The following ZNHIT1 variants were observed in gnomAD, a reference collection of about 807,000 sequenced individuals.
ZNHIT1 encodes zinc finger HIT-type containing 1, also known as zinc finger HIT domain-containing protein 1.
A neutral mutation model predicts 21.4 loss-of-function variants in ZNHIT1; 20 were observed. The observed-to-expected ratio is 0.93, with a 90% confidence interval of 0.66 to 1.36. ZNHIT1 has a LOEUF of 1.36. ZNHIT1 is among the 40% of genes most tolerant of loss of function. ZNHIT1 has a pLI of 0.00. For synonymous variants in ZNHIT1, 79 were observed against 84.0 expected (o/e 0.94, Z 0.32); for missense variants, 170 against 213.5 (o/e 0.80, Z 1.27).
At position 101,223,842 on chromosome 7, in the gene ZNHIT1, G is replaced by C. The variant is rs775964487; in HGVS notation, c.443G>C (p.Arg148Thr). The change falls in exon 4 of 5, where the codon AGG becomes ACG. Residue 148 changes from arginine to threonine, a missense_variant and splice_region_variant. Coordinates refer to ENST00000305105, the MANE Select transcript of ZNHIT1 (RefSeq NM_006349.3). ...TGTCTGGGGACCCACCAGGAGACCA[G>C]GTGAGCATGAGACCTGCTGTCCACT... ...VRCLGTHQET[R>T]CLKWTV 1 of 1,614,104 alleles carries C rather than the reference G, an allele frequency of 6.2e-7. No homozygotes were observed. Among genetic ancestry groups the C allele is most frequent in the Non-Finnish European group, 8.5e-7 (1 of 1,179,980 alleles).
At chr7:101,220,786 C>G (rs1233671573) in intron 1 of ZNHIT1, 1 of 152,058 alleles carries the variant, frequency 6.6e-6, no homozygotes, top group Non-Finnish European at 1.5e-5. Flanking sequence ...GGGTCTCTCT[C>G]TGTTGCCCAG....
At position 101,218,228 on chromosome 7, in the gene ZNHIT1, C is replaced by T. The variant is rs2116816191; in HGVS notation, c.22+11C>T. On this transcript the variant is annotated intron_variant, in intron 1 of 4. Coordinates refer to ENST00000305105, the MANE Select transcript of ZNHIT1 (RefSeq NM_006349.3). ...AGAAGAAAACTTCGGGTATGTGAGCCCCCGCGGTTCGCCCCCTTCCCCTTC... is the reference window on the plus strand; with the variant it reads ...AGAAGAAAACTTCGGGTATGTGAGCTCCCGCGGTTCGCCCCCTTCCCCTTC... The T allele has an allele frequency of 6.2e-7, 1 of 1,612,164 alleles. No homozygotes were observed. Among genetic ancestry groups the T allele is most frequent in the Admixed American group, 1.7e-5 (1 of 59,540 alleles).
intron 2 of ZNHIT1, among the ~76,000 whole-genome samples, chr7:101,222,996 T>C (rs1798397589): frequency 6.6e-6 from 1 of 152,140 alleles, no homozygotes; most frequent in African/African-American, 2.4e-5. Context: ...AGCCTTAGGC[T>C]TGGGGGCATG....
chr7:101,223,873 T>A, intron 4 of ZNHIT1, 31 bp downstream of exon 4: 1 of 1,613,944 alleles, frequency 6.2e-7, no homozygotes, highest in Non-Finnish European at 8.5e-7. Flanking sequence ...CCACTCCCAC[T>A]CCCTCCTTCC....
At position 101,223,833 on chromosome 7, in the gene ZNHIT1, A is replaced by G. The variant is rs1256138067; in HGVS notation, c.434A>G (p.Gln145Arg). The change falls in exon 4 of 5, where the codon CAG (glutamine) becomes CGG (arginine). Residue 145 changes from glutamine to arginine, a missense_variant. Gln to Arg is a conservative substitution (Grantham distance 43, BLOSUM62 1). Transcript: ENST00000305105. ...YCTVRCLGTH[Q>R]ETRCLKWTV ...ACTGTGCGCTGTCTGGGGACCCACC[A>G]GGAGACCAGGTGAGCATGAGACCTG... 1.2e-6 allele frequency: 2 copies of G among 1,614,074 alleles called. No individual in the cohort carries two copies. The highest frequency in any genetic ancestry group is 1.7e-6 in the Non-Finnish European group (2 of 1,179,992).
chr7:101,222,025 C>A (rs1798378381), intron 1 of ZNHIT1: 1 of 152,538 alleles, frequency 6.6e-6, no homozygotes, highest in South Asian at 2.1e-4. Context: ...ATGAGCGTCG[C>A]CAGCTCTTTG....
At position 101,223,803 on chromosome 7, in the gene ZNHIT1, A is replaced by G; in HGVS notation, c.404A>G (p.Tyr135Cys). Reference protein sequence around the residue: ...PYTCVSCGARYCTVRCLGTHQ... With the variant: ...PYTCVSCGARCCTVRCLGTHQ... ...ACCTGTGTCAGCTGCGGTGCCCGGT[A>G]CTGCACTGTGCGCTGTCTGGGGACC... Residue 135 changes from tyrosine (Y) to cysteine (C), a missense_variant, in exon 4 of 5, where the codon TAC becomes TGC. Physicochemically the swap from Tyr to Cys is radical, Grantham distance 194. Coordinates refer to ENST00000305105, the MANE Select transcript of ZNHIT1 (RefSeq NM_006349.3). 1 of 1,614,086 alleles carries G rather than the reference A, an allele frequency of 6.2e-7. No homozygotes were observed. Among genetic ancestry groups the G allele is most frequent in the Non-Finnish European group, 8.5e-7 (1 of 1,179,996 alleles).
chr7:101,223,942 T>G lies in ZNHIT1; in HGVS notation c.449T>G (p.Leu150Arg). 6.2e-7 allele frequency: 1 copy of G among 1,614,114 alleles called. No homozygotes were observed. Among genetic ancestry groups the G allele is most frequent in the Non-Finnish European group, 8.5e-7 (1 of 1,180,016 alleles). ...CLGTHQETRC[L>R]KWTV ...GGCTTCCCCTCTGTCTGCAGGTGTC[T>G]GAAGTGGACTGTGTGAGCCTGGGCA... The change falls in exon 5 of 5, where the codon CTG becomes CGG. Residue 150 changes from leucine (L) to arginine (R), a missense_variant. By Grantham distance (102) the Leu-to-Arg change is moderately radical. Transcript: ENST00000305105.
At chr7:101,222,953 TAAAC>T (rs879709557) in intron 2 of ZNHIT1, among the ~76,000 whole-genome samples, 179 bp downstream of exon 2, 5 of 152,126 alleles carry the variant, frequency 3.3e-5, no homozygotes, top group Non-Finnish European at 5.9e-5. Context: ...GTATGTGAAA[TAAAC>T]AAGAGAGACT....
At chr7:101,218,472 G>C in intron 1 of ZNHIT1, 1 of 511,128 alleles carries the variant, frequency 2.0e-6, no homozygotes, top group Non-Finnish European at 3.4e-6. Flanking sequence ...ACGGGCTCTC[G>C]CTATGTTGCC....
intron 1 of ZNHIT1, 95 bp downstream of exon 1, chr7:101,218,312 C>A: frequency 7.0e-7 from 1 of 1,437,584 alleles, no homozygotes; most frequent in Non-Finnish European, 9.6e-7. Flanking sequence ...CTCGCTCTTT[C>A]GCCTAGGCTG....
At position 101,222,740 on chromosome 7, in the gene ZNHIT1, G is replaced by C; in HGVS notation, c.159G>C (p.Lys53Asn). ...DPHAGLPQLG[K>N]RLPQFDDDAD... ...ACGCGGGACTCCCTCAGCTCGGCAAGAGACTGCCTCAGTTTGATGACGATG... is the reference window on the plus strand; with the variant it reads ...ACGCGGGACTCCCTCAGCTCGGCAACAGACTGCCTCAGTTTGATGACGATG... Residue 53 changes from lysine (K) to asparagine (N), a missense_variant, in exon 2 of 5, where the codon AAG becomes AAC. By Grantham distance (94) the Lys-to-Asn change is moderately conservative (BLOSUM62 0). Coordinates refer to ENST00000305105, the MANE Select transcript of ZNHIT1 (RefSeq NM_006349.3). The C allele has an allele frequency of 1.2e-6, 2 of 1,614,160 alleles. No individual in the cohort carries two copies. The highest frequency in any genetic ancestry group is 1.7e-6 in the Non-Finnish European group (2 of 1,179,994).
intron 2 of ZNHIT1, 43 bp downstream of exon 2, chr7:101,222,817 A>C (rs1798394904): frequency 6.3e-7 from 1 of 1,587,772 alleles, no homozygotes; most frequent in Non-Finnish European, 8.6e-7. Context: ...GACTGAGAGG[A>C]GGGCGGGAGA....
intron 1 of ZNHIT1, 82 bp downstream of exon 1, chr7:101,218,299 G>A: frequency 6.6e-7 from 1 of 1,506,472 alleles, no homozygotes; most frequent in Non-Finnish European, 9.1e-7. Flanking sequence ...CCTCTTTTTT[G>A]GTCTCGCTCT....
At chr7:101,222,164 C>T (rs1562899123) in intron 1 of ZNHIT1, 2 of 161,918 alleles carry the variant, frequency 1.2e-5, no homozygotes, top group Admixed American at 6.4e-5. Context: ...CTTGGCATCA[C>T]GTTTGTGGGT....
In ZNHIT1 at chr7:101,223,567, G is replaced by A. The variant is rs754261055; in HGVS notation, c.273+11G>A. 1.9e-5 allele frequency: 31 copies of A among 1,614,048 alleles called. No individual in the cohort carries two copies. The highest frequency in any genetic ancestry group is 5.1e-6 in the Non-Finnish European group (6 of 1,180,010). On this transcript the variant is annotated intron_variant, in intron 3 of 4. Transcript: ENST00000305105. ...CTGTTGGAGGAGCAGGTGAGAGGAG[G>A]GTCGGCCTGGGAGGACCCCACAGGG...
chr7:101,222,523 C>G (rs745546240), intron 1 of ZNHIT1, 81 bp from the exon 2 acceptor site: 27 of 1,493,480 alleles, frequency 1.8e-5, no homozygotes, highest in Non-Finnish European at 2.3e-5. Context: ...ACCCCGGGTG[C>G]CTTCCTCGCC....
chr7:101,224,171 T>C lies in ZNHIT1; in HGVS notation c.*213T>C. 1.4e-6 allele frequency: 1 copy of C among 696,290 alleles called. No homozygotes were observed. The highest frequency in any genetic ancestry group is 2.9e-5 in the Admixed American group (1 of 34,354). 43.1% of individuals were successfully genotyped at this position (696,290 alleles called of 1,614,324 possible). ...GCTGGGCCCCCCAGTGCTGTTAGAA[T>C]AAAAAGCCTCGTGCCGGAAGCCTTC... On this transcript the variant is annotated 3_prime_UTR_variant, in exon 5 of 5. Coordinates refer to ENST00000305105, the MANE Select transcript of ZNHIT1 (RefSeq NM_006349.3).
intron 2 of ZNHIT1, 48 bp from the exon 3 acceptor site, chr7:101,223,429 C>T: frequency 1.3e-6 from 2 of 1,594,596 alleles, no homozygotes; most frequent in Non-Finnish European, 1.7e-6. Context: ...GAGAAAGCTG[C>T]TGTCTTTCTG....
Sources: allele counts gnomAD v4.1 joint callset (sites outside exome capture counted in the v4.1 genomes callset), GRCh38; gene constraint gnomAD v4.1.1; transcripts MANE v1.5; gene names NCBI Gene and HGNC (gene_info 2026-07-23, HGNC 2026-07-21).